Variants in SAMD5 observed in about 807,000 individuals in gnomAD.
SAMD5 encodes sterile alpha motif domain-containing protein 5.
SAMD5 carries 13 observed loss-of-function variants against 11.3 expected under a neutral mutation model. The ratio of observed to expected loss-of-function variants is 1.15; its 90% confidence interval spans 0.75 to 1.83. The LOEUF is 1.83. Ranked by LOEUF, SAMD5 falls within the 40% of genes most tolerant of loss-of-function variation. The pLI is 0.00. For missense variants in SAMD5, 255 were observed against 239.1 expected (o/e 1.07, Z -0.44); for synonymous variants, 129 against 111.3 (o/e 1.16, Z -1.00).
chr6:147,625,098 G>A (rs985785531), intron 1 of SAMD5, among the ~76,000 whole-genome samples: 5 of 152,258 alleles, frequency 3.3e-5, no homozygotes, highest in East Asian at 3.9e-4. Flanking sequence ...CCAGTTAGTC[G>A]ATTGGTGTGG....
chr6:147,898,768 TA>T, the SAMD5 span, among the ~76,000 whole-genome samples: 8 of 152,196 alleles, frequency 5.3e-5, no homozygotes, highest in African/African-American at 1.9e-4. Context: ...TTCATATGTA[TA>T]CATACATGTG....
At chr6:147,914,346 G>A in the SAMD5 span, among the ~76,000 whole-genome samples, 4 of 152,046 alleles carry the variant, frequency 2.6e-5, no homozygotes, top group African/African-American at 7.2e-5. Flanking sequence ...CAACAACAAC[G>A]ACAACAACAA....
chr6:147,927,793 G>A, the SAMD5 span, among the ~76,000 whole-genome samples: 1 of 152,138 alleles, frequency 6.6e-6, no homozygotes, highest in Non-Finnish European at 1.5e-5. Context: ...TATGATGTTG[G>A]TGGTAGGTCT....
At chr6:147,541,970 C>T (rs1583074838) in intron 1 of SAMD5, among the ~76,000 whole-genome samples, 1 of 152,160 alleles carries the variant, frequency 6.6e-6, no homozygotes, top group Non-Finnish European at 1.5e-5. Flanking sequence ...TACAAACACC[C>T]CACCATAGGG....
chr6:147,825,766 A>T, the SAMD5 span, among the ~76,000 whole-genome samples: 1 of 152,234 alleles, frequency 6.6e-6, no homozygotes, highest in Admixed American at 6.5e-5. Flanking sequence ...TGTGAATTTA[A>T]TGAAAGAAAG....
Position 147,594,456 on chromosome 6 carries a change from C to A in SAMD5, c.162+85069C>A, listed in dbSNP as rs184062209. ...TCATTGATTTTAATTATGCCAAGTTCTGAGTAGCAGACATAATTGAGACCG... is the reference window on the plus strand; with the variant it reads ...TCATTGATTTTAATTATGCCAAGTTATGAGTAGCAGACATAATTGAGACCG... On this transcript the variant is annotated intron_variant, in intron 1 of 1. Coordinates refer to the SAMD5 transcript ENST00000566741. Among the ~76,000 whole-genome samples the A allele has an allele frequency of 3.7e-4, 56 of 152,236 alleles. 1 individual carries two copies. The East Asian group carries it at 6.6e-3, about 18-fold the overall frequency.
intron 1 of SAMD5, among the ~76,000 whole-genome samples, chr6:147,663,805 A>G (rs1790678992): frequency 1.4e-5 from 2 of 140,186 alleles, no homozygotes; most frequent in African/African-American, 4.9e-5. Flanking sequence ...AAAAAAAAAA[A>G]AAAAAAAGAG....
chr6:147,878,480 T>C, the SAMD5 span, among the ~76,000 whole-genome samples: 1 of 151,500 alleles, frequency 6.6e-6, no homozygotes, highest in African/African-American at 2.4e-5. Context: ...TCTCTATTTA[T>C]AGATTAGTAT....
chr6:147,819,613 G>A, the SAMD5 span, among the ~76,000 whole-genome samples: 1 of 152,196 alleles, frequency 6.6e-6, no homozygotes, highest in Non-Finnish European at 1.5e-5. Context: ...ACAATGAGTT[G>A]TGTGTGGAGA....
chr6:147,697,154 T>C (rs112859613), intron 1 of SAMD5, among the ~76,000 whole-genome samples: 2,091 of 152,306 alleles, frequency 0.014, 49 homozygotes, highest in African/African-American at 0.048. Flanking sequence ...TAGGTCCTGC[T>C]GCTGCCCGCT....
intron 1 of SAMD5, among the ~76,000 whole-genome samples, chr6:147,559,647 G>A (rs1788915759): frequency 6.6e-6 from 1 of 152,184 alleles, no homozygotes; most frequent in African/African-American, 2.4e-5. Context: ...AGACAGGACA[G>A]TGAGAAGAGT....
In SAMD5 at chr6:147,659,949, T is replaced by G. The variant is rs1477614396; in HGVS notation, c.163-77368T>G. 2.0e-5 allele frequency among the ~76,000 whole-genome samples: 3 copies of G among 152,148 alleles called. No homozygotes were observed. In the East Asian group the frequency reaches 5.8e-4, roughly 29 times the overall value. On this transcript the variant is annotated intron_variant, in intron 1 of 1. Transcript: ENST00000566741. ...AGGAGAGTTGGCCAGGACGTCCTAA[T>G]AGGCCATTTTCTGTCTTCTCTCCAT...
At chr6:147,752,403 A>G in the SAMD5 span, among the ~76,000 whole-genome samples, 1 of 152,180 alleles carries the variant, frequency 6.6e-6, no homozygotes, top group East Asian at 1.9e-4. Context: ...TGTTTTATAT[A>G]TTTATGAATT....
chr6:147,837,402 C>T, the SAMD5 span, among the ~76,000 whole-genome samples: 10 of 152,194 alleles, frequency 6.6e-5, no homozygotes, highest in Non-Finnish European at 2.9e-5. Context: ...GCTCATGGCA[C>T]TCCTCTGGCC....
the SAMD5 span, among the ~76,000 whole-genome samples, chr6:147,895,813 G>A: frequency 2.0e-5 from 3 of 152,140 alleles, no homozygotes; most frequent in Non-Finnish European, 4.4e-5. Flanking sequence ...TTTGTTGTGG[G>A]TAAAGCCTTC....
the SAMD5 span, among the ~76,000 whole-genome samples, chr6:147,827,480 C>T: frequency 6.6e-6 from 1 of 152,278 alleles, no homozygotes. Context: ...AGAGCGGAAC[C>T]TGTACTGGAC....
At chr6:147,603,984 T>G (rs1789661097) in intron 1 of SAMD5, among the ~76,000 whole-genome samples, 1 of 152,222 alleles carries the variant, frequency 6.6e-6, no homozygotes, top group Non-Finnish European at 1.5e-5. Context: ...TGAGGTGGCA[T>G]GTATATTTTT....
At chr6:147,805,729 G>C in the SAMD5 span, among the ~76,000 whole-genome samples, 12 of 152,150 alleles carry the variant, frequency 7.9e-5, no homozygotes, top group African/African-American at 2.9e-4. Context: ...CCTCAGAAAA[G>C]GAAGAGTATT....
intron 1 of SAMD5, among the ~76,000 whole-genome samples, chr6:147,671,026 A>G (rs1233381663): frequency 6.6e-6 from 1 of 152,206 alleles, no homozygotes; most frequent in Non-Finnish European, 1.5e-5. Flanking sequence ...TTTCACTTGA[A>G]CACTTCGAGA....
Sources: gnomAD v4.1 joint callset for allele counts (sites outside exome capture counted in the v4.1 genomes callset) on GRCh38, gnomAD v4.1.1 for gene constraint, MANE v1.5 for transcripts, NCBI Gene and HGNC (gene_info 2026-07-23, HGNC 2026-07-21) for gene names.